Variants in CLEC9A observed in about 807,000 individuals in gnomAD.
CLEC9A encodes C-type lectin domain family 9 member A.
Under a neutral mutation model 30.0 loss-of-function variants are expected in CLEC9A, and 24 were observed. The ratio of observed to expected loss-of-function variants is 0.80; its 90% CI spans 0.58 to 1.13. The LOEUF (loss-of-function observed/expected upper bound fraction) is 1.13. Among genes scored for constraint, CLEC9A ranks in the 50% most tolerant of loss-of-function variants. CLEC9A has a pLI of 0.00. For missense variants in CLEC9A, 251 were observed against 280.9 expected (o/e 0.89, Z 0.76); for synonymous variants, 111 against 96.8 (o/e 1.15, Z -0.86).
chr12:10,061,052 CT>C, intron 5 of CLEC9A, 74 bp from the exon 6 acceptor site: 1 of 1,497,416 alleles, frequency 6.7e-7, no homozygotes, highest in Non-Finnish European at 9.0e-7. Flanking sequence ...TTGTACTTGT[CT>C]TTAGTCTGTG....
At chr12:10,038,354 A>G (rs10772227) in intron 1 of CLEC9A, among the ~76,000 whole-genome samples, 91,937 of 152,066 alleles carry the variant, frequency 0.6, 30,527 homozygotes, top group Middle Eastern at 0.81. Context: ...TTTAGAATGG[A>G]AGACCATTTT....
Position 10,065,476 on chromosome 12 carries a change from A to G in CLEC9A, c.594-24A>G, listed in dbSNP as rs756576010. 19 of 1,613,080 alleles carry G rather than the reference A, an allele frequency of 1.2e-5. No individual in the cohort carries two copies. In the African/African-American group the frequency reaches 2.3e-4, roughly 19 times the overall value. On this transcript the variant is annotated intron_variant, in intron 8 of 8. Coordinates refer to ENST00000355819, the MANE Select transcript of CLEC9A (RefSeq NM_207345.4). Reference sequence around the variant, plus strand: ...TTCTGAAACTCCCAAGTCTAACCTCAGAAATGTTGACTTGCTTTTCCAGGT... The same window carrying G: ...TTCTGAAACTCCCAAGTCTAACCTCGGAAATGTTGACTTGCTTTTCCAGGT...
At chr12:10,035,885 G>A (rs915201062) in intron 1 of CLEC9A, among the ~76,000 whole-genome samples, 5 of 152,218 alleles carry the variant, frequency 3.3e-5, no homozygotes, top group Admixed American at 6.5e-5. Flanking sequence ...GATTACAGGA[G>A]TTAGCCACCA....
chr12:10,046,702 G>A (rs1023678469), intron 2 of CLEC9A, among the ~76,000 whole-genome samples: 1 of 152,182 alleles, frequency 6.6e-6, no homozygotes, highest in Non-Finnish European at 1.5e-5. Flanking sequence ...TTAAAACATG[G>A]AGATGTTCAA....
rs565569761 is a variant in CLEC9A, at chr12:10,051,902, T to C, written c.-162-89T>C. On this transcript the variant is annotated intron_variant, in intron 2 of 8. Transcript: ENST00000355819. ...CCTTATGTCCAAAAGTGGGCATGCC[T>C]TTGGTGGATGTGAATGTGAGACATG... 3.3e-5 allele frequency: 5 copies of C among 152,298 alleles called. No individual in the cohort carries two copies. In the South Asian group the frequency reaches 1.0e-3, roughly 32 times the overall value. 9.4% of individuals were successfully genotyped at this position (152,298 alleles called of 1,614,324 possible). A position where few individuals can be genotyped will look rare whatever the true frequency, so the allele number is the denominator to read the frequency against.
At chr12:10,062,372 T>A (rs909084967) in intron 6 of CLEC9A, among the ~76,000 whole-genome samples, 9 of 152,226 alleles carry the variant, frequency 5.9e-5, no homozygotes, top group African/African-American at 2.2e-4. Context: ...ATTCTTGGTC[T>A]TTGGTTCCCC....
chr12:10,041,386 C>T, intron 1 of CLEC9A, 80 bp from the exon 2 acceptor site: 1 of 278,420 alleles, frequency 3.6e-6, no homozygotes, highest in South Asian at 4.4e-5. Context: ...GTCTTGGGAT[C>T]TGCAGAATAC....
At chr12:10,034,285 G>T (rs772682979) in intron 1 of CLEC9A, among the ~76,000 whole-genome samples, 2 of 152,344 alleles carry the variant, frequency 1.3e-5, no homozygotes, top group East Asian at 3.9e-4. Flanking sequence ...CATAGTGGAA[G>T]TAAGTTTGGA....
intron 2 of CLEC9A, among the ~76,000 whole-genome samples, 176 bp from the exon 3 acceptor site, chr12:10,051,815 T>C (rs1029174630): frequency 1.3e-5 from 2 of 152,230 alleles, no homozygotes; most frequent in Non-Finnish European, 2.9e-5. Context: ...GCTTTCCTTC[T>C]AGAGTGAAGT....
At position 10,064,717 on chromosome 12, in the gene CLEC9A, A is replaced by T. The variant is rs201737600; in HGVS notation, c.472-15A>T. 8.4e-4 allele frequency: 1,219 copies of T among 1,453,448 alleles called. 27 individuals are homozygous for T. In the East Asian group the frequency reaches 0.028, roughly 34 times the overall value. The allele number at this position is 1,453,448 out of a possible 1,614,324, so 90.0% of individuals were successfully genotyped here. On this transcript the variant is annotated splice_polypyrimidine_tract_variant and intron_variant, in intron 7 of 8. Coordinates refer to ENST00000355819, the MANE Select transcript of CLEC9A (RefSeq NM_207345.4). ...TTTGTTTTTCTCATTTCACAGTTCA[A>T]TTTTTGTCTCATAGGATTTTATCAC...
chr12:10,046,685 G>T (rs1376725966), intron 2 of CLEC9A, among the ~76,000 whole-genome samples: 1 of 152,166 alleles, frequency 6.6e-6, no homozygotes, highest in African/African-American at 2.4e-5. Flanking sequence ...CTCAACTGAG[G>T]TGTTGGTTAA....
Position 10,064,713 on chromosome 12 carries a change from T to C in CLEC9A, c.472-19T>C. On this transcript the variant is annotated intron_variant, in intron 7 of 8. Transcript: ENST00000355819. ...TTTGTTTGTTTTTCTCATTTCACAG[T>C]TCAATTTTTGTCTCATAGGATTTTA... The C allele has an allele frequency of 6.8e-7, 1 of 1,478,288 alleles. No individual in the cohort carries two copies. The highest frequency in any genetic ancestry group is 8.9e-7 in the Non-Finnish European group (1 of 1,118,100). The allele number at this position is 1,478,288 out of a possible 1,614,324, so 91.6% of individuals were successfully genotyped here. A position where few individuals can be genotyped will look rare whatever the true frequency, so the allele number is the denominator to read the frequency against.
intron 2 of CLEC9A, among the ~76,000 whole-genome samples, chr12:10,046,278 A>G (rs1208284416): frequency 6.6e-6 from 1 of 152,184 alleles, no homozygotes; most frequent in African/African-American, 2.4e-5. Flanking sequence ...TTGTATTACC[A>G]TCGCCAACCC....
chr12:10,043,714 G>A (rs1040881846), intron 2 of CLEC9A, among the ~76,000 whole-genome samples: 26 of 148,272 alleles, frequency 1.8e-4, no homozygotes, highest in African/African-American at 4.0e-4. Flanking sequence ...ATGGAGTCTC[G>A]CTCTATCACC....
At chr12:10,062,040 A>T (rs143375377) in intron 6 of CLEC9A, among the ~76,000 whole-genome samples, 27 of 152,310 alleles carry the variant, frequency 1.8e-4, no homozygotes, top group Middle Eastern at 3.4e-3. Flanking sequence ...GGCCATTGCA[A>T]ACTCGGGTGA....
chr12:10,046,656 A>G (rs1356300753), intron 2 of CLEC9A, among the ~76,000 whole-genome samples: 1 of 152,240 alleles, frequency 6.6e-6, no homozygotes, highest in Non-Finnish European at 1.5e-5. Flanking sequence ...TACAATTTAT[A>G]AACATGATTC....
intron 5 of CLEC9A, among the ~76,000 whole-genome samples, chr12:10,059,874 C>T (rs555706396): frequency 7.2e-5 from 11 of 152,102 alleles, no homozygotes; most frequent in East Asian, 3.9e-4. Context: ...GACCATCCAA[C>T]GAGAAAATGG....
At chr12:10,032,616 C>T (rs953809893) in intron 1 of CLEC9A, among the ~76,000 whole-genome samples, 1 of 152,152 alleles carries the variant, frequency 6.6e-6, no homozygotes, top group Non-Finnish European at 1.5e-5. Flanking sequence ...TGGTCTCGAT[C>T]TCCTAACCTC....
intron 2 of CLEC9A, among the ~76,000 whole-genome samples, chr12:10,047,165 C>T (rs1865854170): frequency 6.6e-6 from 1 of 152,138 alleles, no homozygotes; most frequent in Non-Finnish European, 1.5e-5. Flanking sequence ...GTCTACAGAT[C>T]TTGGATTTGG....
Sources: allele counts gnomAD v4.1 joint callset (sites outside exome capture counted in the v4.1 genomes callset), GRCh38; gene constraint gnomAD v4.1.1; transcripts MANE v1.5; gene names NCBI Gene and HGNC (gene_info 2026-07-23, HGNC 2026-07-21).